The following UMAD1 variants were observed in gnomAD, a reference collection of about 807,000 sequenced individuals.
The protein encoded by UMAD1 is UBAP1-MVB12-associated (UMA)-domain containing protein 1.
In UMAD1, 8 loss-of-function variants were observed where a neutral mutation model predicts 6.1. The observed-to-expected ratio is 1.30, with a 90% CI of 0.76 to 2.35. The LOEUF is 2.35. UMAD1 is among the 30% of genes most tolerant of loss of function. UMAD1 has a pLI of 0.00. For synonymous variants in UMAD1, 56 were observed against 31.4 expected (o/e 1.78, Z -2.61); for missense variants, 130 against 78.4 (o/e 1.66, Z -2.49).
intron 2 of UMAD1, among the ~76,000 whole-genome samples, chr7:7,711,666 A>G (rs1246039161): frequency 2.0e-5 from 3 of 152,200 alleles, no homozygotes; most frequent in Non-Finnish European, 2.9e-5. Context: ...TAAAATCACT[A>G]TTGATCTCTT....
intron 2 of UMAD1, among the ~76,000 whole-genome samples, chr7:7,795,444 C>T (rs1438780144): frequency 6.6e-6 from 1 of 152,196 alleles, no homozygotes; most frequent in Non-Finnish European, 1.5e-5. Context: ...GGAAAGGAAT[C>T]CTGATCTTGG....
chr7:7,752,668 G>T (rs980452450), intron 2 of UMAD1, among the ~76,000 whole-genome samples: 1 of 151,768 alleles, frequency 6.6e-6, no homozygotes, highest in Non-Finnish European at 1.5e-5. Flanking sequence ...TTTTAATTTC[G>T]TATGTGGAAA....
intron 1 of UMAD1, among the ~76,000 whole-genome samples, chr7:7,641,869 G>C (rs960778922): frequency 1.3e-5 from 2 of 152,190 alleles, no homozygotes; most frequent in East Asian, 3.9e-4. Context: ...GGAATCTCAT[G>C]TACGATAATT....
chr7:7,829,574 CT>C (rs1311850103), intron 3 of UMAD1, among the ~76,000 whole-genome samples: 1 of 152,102 alleles, frequency 6.6e-6, no homozygotes, highest in Non-Finnish European at 1.5e-5. Context: ...AGCCACAGTG[CT>C]TTAGGTCTCA....
intron 3 of UMAD1, among the ~76,000 whole-genome samples, chr7:7,824,280 A>G (rs1269123786): frequency 6.6e-6 from 1 of 152,066 alleles, no homozygotes; most frequent in Admixed American, 6.6e-5. Context: ...ATAAAATCCA[A>G]GTTGATTAGC....
chr7:7,783,072 C>T (rs1782382087), intron 2 of UMAD1, among the ~76,000 whole-genome samples: 1 of 152,100 alleles, frequency 6.6e-6, no homozygotes, highest in South Asian at 2.1e-4. Flanking sequence ...TACTCACTGG[C>T]AAAGTCTGAT....
At chr7:7,690,519 A>G (rs1780148068) in intron 2 of UMAD1, among the ~76,000 whole-genome samples, 1 of 152,152 alleles carries the variant, frequency 6.6e-6, no homozygotes, top group Non-Finnish European at 1.5e-5. Flanking sequence ...TTTATTATAA[A>G]TTGAGCTGCA....
At chr7:7,699,058 G>T (rs1009041604) in intron 2 of UMAD1, among the ~76,000 whole-genome samples, 19 of 142,638 alleles carry the variant, frequency 1.3e-4, no homozygotes, top group Admixed American at 2.1e-4. Flanking sequence ...GTGGGGGGGG[G>T]GTAGATACCA....
chr7:7,805,692 C>T (rs1026996610), intron 3 of UMAD1, among the ~76,000 whole-genome samples: 4 of 152,162 alleles, frequency 2.6e-5, no homozygotes, highest in African/African-American at 9.7e-5. Context: ...CACCAGCCAC[C>T]TGCCGTTCTG....
At chr7:7,720,938 T>C (rs1178940042) in intron 2 of UMAD1, among the ~76,000 whole-genome samples, 1 of 152,216 alleles carries the variant, frequency 6.6e-6, no homozygotes, top group Non-Finnish European at 1.5e-5. Flanking sequence ...GATGAGGTCA[T>C]ACTCATTGGA....
chr7:7,692,310 A>G (rs1482312075), intron 2 of UMAD1: 1 of 152,220 alleles, frequency 6.6e-6, no homozygotes, highest in Non-Finnish European at 1.5e-5. Context: ...GCTAGTAGTC[A>G]TGAGGAGAAT....
intron 2 of UMAD1, among the ~76,000 whole-genome samples, chr7:7,780,427 A>T (rs1782321049): frequency 6.6e-6 from 1 of 152,118 alleles, no homozygotes; most frequent in African/African-American, 2.4e-5. Context: ...TTATAGCTTG[A>T]TTTTTTTCCT....
chr7:7,725,583 C>A (rs1781124049), intron 2 of UMAD1, among the ~76,000 whole-genome samples: 1 of 152,180 alleles, frequency 6.6e-6, no homozygotes, highest in South Asian at 2.1e-4. Flanking sequence ...TATGGATCAT[C>A]AAGTCACCAT....
chr7:7,671,292 C>A (rs1779599961), intron 1 of UMAD1, among the ~76,000 whole-genome samples: 1 of 152,140 alleles, frequency 6.6e-6, no homozygotes, highest in African/African-American at 2.4e-5. Flanking sequence ...TCTGTGCATG[C>A]CCCCCTCTTC....
Position 7,847,098 on chromosome 7 carries a change from A to T in UMAD1, c.157-30183A>T, listed in dbSNP as rs1320960108. On this transcript the variant is annotated intron_variant, in intron 3 of 3. Coordinates refer to ENST00000682710, the MANE Select transcript of UMAD1 (RefSeq NM_001302348.2). ...AAAAGACAGCAATGCAAAAAAAAAAAAAAAAAATATATATATATATATATA... is the reference window on the plus strand; with the variant it reads ...AAAAGACAGCAATGCAAAAAAAAAATAAAAAAATATATATATATATATATA... Among the ~76,000 whole-genome samples, 21 of 46,912 alleles carry T rather than the reference A, an allele frequency of 4.5e-4. 1 individual carries two copies. Among genetic ancestry groups the T allele is most frequent in the African/African-American group, 2.2e-3 (14 of 6,300 alleles). The allele number at this position is 46,912 out of a possible 152,430, so 30.8% of individuals were successfully genotyped here.
At chr7:7,679,700 A>T (rs13309848) in intron 2 of UMAD1, among the ~76,000 whole-genome samples, 3 of 129,730 alleles carry the variant, frequency 2.3e-5, no homozygotes, top group Non-Finnish European at 4.6e-5. Flanking sequence ...TATATATTTA[A>T]TTTATAGATA....
intron 2 of UMAD1, among the ~76,000 whole-genome samples, chr7:7,703,258 T>A (rs1180011813): frequency 6.6e-6 from 1 of 152,224 alleles, no homozygotes; most frequent in African/African-American, 2.4e-5. Context: ...GAGGCTTCTA[T>A]AATAAAAATA....
At chr7:7,775,190 A>C (rs2115246389) in intron 2 of UMAD1, among the ~76,000 whole-genome samples, 1 of 152,334 alleles carries the variant, frequency 6.6e-6, no homozygotes, top group Middle Eastern at 3.4e-3. Flanking sequence ...TAAGCACATG[A>C]AAAGATGCTC....
chr7:7,709,976 CAT>C (rs1464266017), intron 2 of UMAD1, among the ~76,000 whole-genome samples: 1 of 152,052 alleles, frequency 6.6e-6, no homozygotes, highest in Non-Finnish European at 1.5e-5. Flanking sequence ...ATAGTGTTAA[CAT>C]ATTTTTCATA....
Sources: allele counts gnomAD v4.1 joint callset (sites outside exome capture counted in the v4.1 genomes callset), GRCh38; gene constraint gnomAD v4.1.1; transcripts MANE v1.5; gene names NCBI Gene and HGNC (gene_info 2026-07-23, HGNC 2026-07-21).